Variants in PIP5K1B observed in about 807,000 individuals in gnomAD.
PIP5K1B encodes phosphatidylinositol 4-phosphate 5-kinase type-1 beta.
A neutral mutation model predicts 67.0 loss-of-function variants in PIP5K1B; 42 were observed. The observed-to-expected ratio is 0.63, with a 90% CI of 0.49 to 0.81. The LOEUF (loss-of-function observed/expected upper bound fraction) is 0.81, where lower values mean the gene tolerates loss of function less well. PIP5K1B is among the 30% of genes least tolerant of loss of function. The pLI, the probability that PIP5K1B is intolerant of heterozygous loss-of-function variation, is 0.00. For synonymous variants in PIP5K1B, 214 were observed against 231.4 expected (o/e 0.92, Z 0.68); for missense variants, 459 against 646.3 (o/e 0.71, Z 3.14).
intron 8 of PIP5K1B, among the ~76,000 whole-genome samples, chr9:68,894,922 C>A (rs1048445591): frequency 7.2e-5 from 11 of 152,132 alleles, no homozygotes; most frequent in African/African-American, 2.7e-4. Context: ...GTTTTCTTTT[C>A]TTTCTCCGCT....
In PIP5K1B at chr9:68,839,897, T is replaced by A. The variant is rs146953534; in HGVS notation, c.69+17214T>A. Among the ~76,000 whole-genome samples, 314 of 152,312 alleles carry A rather than the reference T, an allele frequency of 2.1e-3. 2 individuals are homozygous for A. Among genetic ancestry groups the A allele is most frequent in the African/African-American group, 7.3e-3 (302 of 41,552 alleles). On this transcript the variant is annotated intron_variant, in intron 4 of 15. Transcript: ENST00000265382. ...ATGGCCAAGTGTGTACTCTTCCTTG[T>A]TATAAACTCATCACCCATTCATTTA...
At chr9:68,827,331 G>A (rs928812498) in intron 4 of PIP5K1B, among the ~76,000 whole-genome samples, 4 of 152,194 alleles carry the variant, frequency 2.6e-5, no homozygotes, top group Non-Finnish European at 5.9e-5. Flanking sequence ...GGAACTTCCC[G>A]CAATGATGGA....
intron 5 of PIP5K1B, among the ~76,000 whole-genome samples, chr9:68,866,026 C>T (rs1044512930): frequency 1.3e-4 from 20 of 152,182 alleles, no homozygotes; most frequent in African/African-American, 4.6e-4. Context: ...GCATCTTTGG[C>T]CTTCACTGTC....
At chr9:68,908,903 C>G (rs1317922411) in intron 8 of PIP5K1B, among the ~76,000 whole-genome samples, 1 of 152,210 alleles carries the variant, frequency 6.6e-6, no homozygotes, top group African/African-American at 2.4e-5. Context: ...TCTAGGCCAA[C>G]TGGAAACATT....
chr9:68,909,852 C>T (rs137961037), intron 8 of PIP5K1B, among the ~76,000 whole-genome samples: 2 of 152,172 alleles, frequency 1.3e-5, no homozygotes, highest in African/African-American at 2.4e-5. Flanking sequence ...ATTCATTCAT[C>T]AGGAGTGGTA....
intron 2 of PIP5K1B, among the ~76,000 whole-genome samples, chr9:68,784,918 G>A (rs1343325412): frequency 6.6e-6 from 1 of 152,152 alleles, no homozygotes; most frequent in Admixed American, 6.5e-5. Flanking sequence ...AGTAGAATTT[G>A]TTTCTGATTG....
chr9:69,002,313 TCCAAA>T (rs1000351796), intron 15 of PIP5K1B, among the ~76,000 whole-genome samples: 1 of 152,178 alleles, frequency 6.6e-6, no homozygotes, highest in African/African-American at 2.4e-5. Flanking sequence ...TAATGCTGCG[TCCAAA>T]TATATTTTTT....
At chr9:68,992,784 G>C (rs1389511334) in intron 15 of PIP5K1B, among the ~76,000 whole-genome samples, 1 of 138,908 alleles carries the variant, frequency 7.2e-6, no homozygotes, top group African/African-American at 2.8e-5. Context: ...AGGTTGCAAT[G>C]AGCCGAGATC....
chr9:68,760,142 T>C (rs935373558), intron 2 of PIP5K1B, among the ~76,000 whole-genome samples: 2 of 152,114 alleles, frequency 1.3e-5, no homozygotes, highest in African/African-American at 4.8e-5. Flanking sequence ...TGTGGCTAGC[T>C]ACAAGCTCAG....
At chr9:68,936,576 T>TC (rs1386461013) in intron 13 of PIP5K1B, among the ~76,000 whole-genome samples, 15 of 152,250 alleles carry the variant, frequency 9.9e-5, no homozygotes, top group African/African-American at 3.4e-4. Flanking sequence ...CTTCTAGGGG[T>TC]TTTCTTTTCC....
chr9:68,969,818 T>C (rs1829257482), intron 14 of PIP5K1B, among the ~76,000 whole-genome samples: 1 of 152,136 alleles, frequency 6.6e-6, no homozygotes, highest in Admixed American at 6.5e-5. Flanking sequence ...AGGTCAAATA[T>C]ACATTTGGAA....
At chr9:68,837,205 T>C (rs993154669) in intron 4 of PIP5K1B, among the ~76,000 whole-genome samples, 1 of 152,182 alleles carries the variant, frequency 6.6e-6, no homozygotes, top group Non-Finnish European at 1.5e-5. Flanking sequence ...GATACAGCAG[T>C]GAACACAAGG....
intron 14 of PIP5K1B, among the ~76,000 whole-genome samples, chr9:68,984,762 A>G (rs549140339): frequency 6.6e-6 from 1 of 152,358 alleles, no homozygotes; most frequent in African/African-American, 2.4e-5. Context: ...CTCCACAGCT[A>G]ACACCAAACA....
At chr9:68,840,932 G>C (rs1257802584) in intron 4 of PIP5K1B, among the ~76,000 whole-genome samples, 1 of 152,164 alleles carries the variant, frequency 6.6e-6, no homozygotes, top group Non-Finnish European at 1.5e-5. Flanking sequence ...ATTTCACAAT[G>C]TCCTCCTCTG....
At chr9:68,750,906 C>T (rs1251183542) in intron 2 of PIP5K1B, among the ~76,000 whole-genome samples, 1 of 152,138 alleles carries the variant, frequency 6.6e-6, no homozygotes, top group African/African-American at 2.4e-5. Flanking sequence ...TGTTGATGCA[C>T]CTCTGCTGAT....
chr9:68,884,546 C>T (rs1824365194), intron 6 of PIP5K1B, among the ~76,000 whole-genome samples: 1 of 151,796 alleles, frequency 6.6e-6, no homozygotes, highest in South Asian at 2.1e-4. Flanking sequence ...TTCCTGTGGT[C>T]CCAGCTACTC....
intron 14 of PIP5K1B, among the ~76,000 whole-genome samples, chr9:68,948,632 C>T (rs773119538): frequency 4.5e-4 from 44 of 98,692 alleles, no homozygotes; most frequent in Non-Finnish European, 7.8e-4. Flanking sequence ...GCAACAGAGG[C>T]GAGACCTTGC....
rs78531032 is a variant in PIP5K1B at position 68,838,308 on chromosome 9, G to A, written c.69+15625G>A. On this transcript the variant is annotated intron_variant, in intron 4 of 15. Coordinates refer to ENST00000265382, the MANE Select transcript of PIP5K1B (RefSeq NM_003558.4). ...TGTAATTGGCTTGTCTTATTAATTTGATATTCAAAAACAGTATCAAAGAAT... is the reference window on the plus strand; with the variant it reads ...TGTAATTGGCTTGTCTTATTAATTTAATATTCAAAAACAGTATCAAAGAAT... Among the ~76,000 whole-genome samples, 1,103 of 151,868 alleles carry A rather than the reference G, an allele frequency of 7.3e-3. 67 individuals are homozygous for A. In the East Asian group the frequency reaches 0.13, roughly 18 times the overall value.
intron 2 of PIP5K1B, chr9:68,781,272 C>A: frequency 2.0e-6 from 1 of 500,728 alleles, no homozygotes; most frequent in Non-Finnish European, 3.6e-6. Flanking sequence ...TACATCTTTA[C>A]GCTGCTAATA....
Sources: allele counts gnomAD v4.1 joint callset (sites outside exome capture counted in the v4.1 genomes callset), GRCh38; gene constraint gnomAD v4.1.1; transcripts MANE v1.5; gene names NCBI Gene and HGNC (gene_info 2026-07-23, HGNC 2026-07-21).